Variants in IFT56 observed in about 807,000 individuals in gnomAD.
IFT56 encodes intraflagellar transport 56.
chr7:139,168,355 C>T, the IFT56 span: 3 of 1,606,302 alleles, frequency 1.9e-6, no homozygotes, highest in African/African-American at 4.0e-5. Flanking sequence ...AGTATATTCT[C>T]AAAGGAGTGG....
chr7:139,150,052 A>T, the IFT56 span, among the ~76,000 whole-genome samples: 24 of 152,294 alleles, frequency 1.6e-4, no homozygotes, highest in African/African-American at 5.5e-4. Flanking sequence ...CAAAATTTAC[A>T]TGTAAAATTT....
the IFT56 span, chr7:139,147,144 G>A: frequency 1.2e-6 from 2 of 1,612,020 alleles, no homozygotes; most frequent in Non-Finnish European, 8.5e-7. Flanking sequence ...CACAATTTTA[G>A]TTTAATGATG....
chr7:139,142,111 G>A, the IFT56 span: 1 of 814,956 alleles, frequency 1.2e-6, no homozygotes. Context: ...GTGGACACCA[G>A]ACTCAAACAA....
the IFT56 span, among the ~76,000 whole-genome samples, chr7:139,152,751 A>G: frequency 6.6e-6 from 1 of 152,220 alleles, no homozygotes; most frequent in African/African-American, 2.4e-5. Flanking sequence ...TAATTAACAT[A>G]TCATACAATT....
chr7:139,160,323 G>A, the IFT56 span, among the ~76,000 whole-genome samples: 1 of 152,080 alleles, frequency 6.6e-6, no homozygotes, highest in Admixed American at 6.5e-5. Flanking sequence ...TTAAGGCTTA[G>A]TTCGTTAATC....
chr7:139,134,202 AG>A, the IFT56 span, among the ~76,000 whole-genome samples: 1 of 152,072 alleles, frequency 6.6e-6, no homozygotes, highest in Non-Finnish European at 1.5e-5. Context: ...TGGCTCTTCT[AG>A]TAGAATACCT....
At chr7:139,172,715 T>C in the IFT56 span, 2 of 625,036 alleles carry the variant, frequency 3.2e-6, no homozygotes, top group Non-Finnish European at 6.2e-6. Flanking sequence ...TCGCAGCAAA[T>C]GTTATACCCC....
chr7:139,180,108 C>T, the IFT56 span, among the ~76,000 whole-genome samples: 4 of 151,216 alleles, frequency 2.6e-5, no homozygotes, highest in East Asian at 1.9e-4. Context: ...GAGGCCAAGG[C>T]GGGTGGATCA....
the IFT56 span, among the ~76,000 whole-genome samples, chr7:139,161,948 A>C: frequency 6.6e-6 from 1 of 152,356 alleles, no homozygotes; most frequent in East Asian, 1.9e-4. Context: ...ATAGTCTGGA[A>C]TTTAAGCTTG....
At chr7:139,173,201 G>A in the IFT56 span, 2 of 505,748 alleles carry the variant, frequency 4.0e-6, no homozygotes, top group Non-Finnish European at 3.6e-6. Context: ...TCCTTAATTG[G>A]AAAAAAAACT....
chr7:139,174,154 A>G, the IFT56 span: 1 of 593,896 alleles, frequency 1.7e-6, no homozygotes, highest in Admixed American at 1.9e-5. Context: ...ATCATGAAGC[A>G]CATGATCTTC....
At chr7:139,173,283 A>G in the IFT56 span, 1 of 446,888 alleles carries the variant, frequency 2.2e-6, no homozygotes, top group Non-Finnish European at 3.9e-6. Context: ...ACTGGAGTGC[A>G]GTGGTGTGAT....
At chr7:139,137,788 A>T in the IFT56 span, 11 of 1,399,004 alleles carry the variant, frequency 7.9e-6, no homozygotes, top group Admixed American at 1.8e-5. Flanking sequence ...ATTTTTTTTT[A>T]AACAGAGAGT....
the IFT56 span, chr7:139,161,234 T>C: frequency 2.1e-5 from 10 of 478,724 alleles, no homozygotes; most frequent in Admixed American, 7.8e-5. Context: ...ATTTAATATT[T>C]GGAAAGAAGC....
At chr7:139,178,190 G>A in the IFT56 span, 8 of 1,559,098 alleles carry the variant, frequency 5.1e-6, no homozygotes, top group Non-Finnish European at 7.1e-6. Flanking sequence ...AATATATGTG[G>A]GGTTTTTTTC....
At chr7:139,180,645 G>A in the IFT56 span, among the ~76,000 whole-genome samples, 1 of 151,838 alleles carries the variant, frequency 6.6e-6, no homozygotes, top group South Asian at 2.1e-4. Flanking sequence ...GGAGGCAGAG[G>A]TTGCAGTGAG....
At chr7:139,162,958 CAA>C in the IFT56 span, among the ~76,000 whole-genome samples, 10 of 91,012 alleles carry the variant, frequency 1.1e-4, no homozygotes, top group Admixed American at 1.1e-4. Flanking sequence ...GACTCCATCT[CAA>C]AAAAAAAAAA....
chr7:139,138,811 CT>C, the IFT56 span, among the ~76,000 whole-genome samples: 238 of 136,440 alleles, frequency 1.7e-3, 1 homozygote, highest in South Asian at 2.1e-3. Context: ...TATGGATTTA[CT>C]TTTTTTTTTT....
At chr7:139,189,380 A>T in the IFT56 span, 14 of 1,613,724 alleles carry the variant, frequency 8.7e-6, no homozygotes, top group Non-Finnish European at 1.2e-5. Flanking sequence ...CAAGTAGAAT[A>T]CATGATCCGG....
Sources: gnomAD v4.1 joint callset for allele counts (sites outside exome capture counted in the v4.1 genomes callset) on GRCh38, gnomAD v4.1.1 for gene constraint, MANE v1.5 for transcripts, NCBI Gene and HGNC (gene_info 2026-07-23, HGNC 2026-07-21) for gene names.